The following MAST3 variants were observed in gnomAD, a reference collection of about 807,000 sequenced individuals.
The protein encoded by MAST3 is microtubule-associated serine/threonine-protein kinase 3.
Under a neutral mutation model 127.0 loss-of-function variants are expected in MAST3, and 43 were observed. The observed-to-expected ratio is 0.34, with a 90% CI of 0.27 to 0.44. The LOEUF is 0.44. Among genes scored for constraint, MAST3 ranks in the 20% least tolerant of loss-of-function variants. MAST3 has a pLI of 1.00. For synonymous variants in MAST3, 785 were observed against 809.2 expected (o/e 0.97, Z 0.51); for missense variants, 1,390 against 1,919.1 (o/e 0.72, Z 5.15).
chr19:18,103,163 G>A (rs1392861007), intron 1 of MAST3, among the ~76,000 whole-genome samples: 1 of 152,128 alleles, frequency 6.6e-6, no homozygotes, highest in African/African-American at 2.4e-5. Flanking sequence ...GTGGTGCCAG[G>A]AGAGTTCTGT....
Position 18,144,635 on chromosome 19 carries a change from TG to T in MAST3, c.2759del (p.Gly920AlafsTer27). ...SSSGGSGGGSGGRVPKSASVS... is the reference protein window; with the variant it reads ...SSSGGSGGGSXGRVPKSASVS... ...CCAGCGGTGGCAGTGGTGGCGGCAGTGGGGGCCGCGTGCCCAAGTCAGCCTC... is the reference window on the plus strand; with the variant it reads ...CCAGCGGTGGCAGTGGTGGCGGCAGTGGGGCCGCGTGCCCAAGTCAGCCTC... On this transcript the variant is annotated frameshift_variant, in exon 23 of 28. Coordinates refer to ENST00000687212, the MANE Select transcript of MAST3 (RefSeq NM_001393504.1). LOFTEE classifies it high-confidence loss of function. The surrounding 1 kb of genome is among the most constrained non-coding windows in gnomAD (Gnocchi z 4.0). 1.2e-6 allele frequency: 2 copies of T among 1,611,236 alleles called. No homozygotes were observed.
chr19:18,113,316 G>T (rs565912300), intron 3 of MAST3, among the ~76,000 whole-genome samples: 1 of 151,518 alleles, frequency 6.6e-6, no homozygotes, highest in Non-Finnish European at 1.5e-5. Context: ...AGACAGTCTC[G>T]CTTTGTTGCC....
chr19:18,145,901 C>A lies in MAST3; in HGVS notation c.3162+36C>A. ...CCCACTGCCCACCCTCAGGGCTCCC[C>A]AGCACCCCTTGGCCGCAGCTCCCGG... is the stretch of plus-strand genomic sequence containing the variant. On this transcript the variant is annotated intron_variant, in intron 25 of 27. Coordinates refer to ENST00000687212, the MANE Select transcript of MAST3 (RefSeq NM_001393504.1). The surrounding 1 kb of genome is among the most constrained non-coding windows in gnomAD (Gnocchi z 5.9). 1 of 1,542,970 alleles carries A rather than the reference C, an allele frequency of 6.5e-7. No individual in the cohort carries two copies.
At position 18,098,555 on chromosome 19, in the gene MAST3, C is replaced by A. The variant is rs548359440; in HGVS notation, c.39+724C>A. 4.6e-5 allele frequency among the ~76,000 whole-genome samples: 7 copies of A among 152,230 alleles called. No homozygotes were observed. The East Asian group carries it at 1.4e-3, about 29-fold the overall frequency. ...GAGGTAGGGACACAGGCGTCGGGGA[C>A]AGCAGAAGCCTAAGTTTGAAGCCAC... On this transcript the variant is annotated intron_variant, in intron 1 of 27. Coordinates refer to ENST00000687212, the MANE Select transcript of MAST3 (RefSeq NM_001393504.1).
intron 8 of MAST3, 43 bp downstream of exon 8, chr19:18,123,698 C>G (rs910699932): frequency 3.5e-6 from 5 of 1,442,994 alleles, no homozygotes; most frequent in Non-Finnish European, 4.6e-6. Context: ...GCACTTCTTT[C>G]CACATTGCTG....
intron 25 of MAST3, among the ~76,000 whole-genome samples, chr19:18,146,451 T>C (rs2043021719): frequency 6.6e-6 from 1 of 151,972 alleles, no homozygotes; most frequent in Non-Finnish European, 1.5e-5. Context: ...TCCCTGGTTC[T>C]AAAAAAATAG....
chr19:18,114,036 C>G (rs2038952497), intron 3 of MAST3, among the ~76,000 whole-genome samples: 1 of 152,178 alleles, frequency 6.6e-6, no homozygotes, highest in Admixed American at 6.5e-5. Flanking sequence ...GAGCTCTGTT[C>G]CCTCCTTTCT....
chr19:18,139,139 C>G lies in MAST3; in HGVS notation c.2205+15C>G. 1.3e-6 allele frequency: 2 copies of G among 1,542,956 alleles called. No homozygotes were observed. The highest frequency in any genetic ancestry group is 1.8e-6 in the Non-Finnish European group (2 of 1,128,564). On this transcript the variant is annotated intron_variant, in intron 20 of 27. Transcript: ENST00000687212. ...GGTTCAGCAAGGTGGGCCCGGGTCC[C>G]GAGGGGAGCCACTGCTCAGAAAACA...
At chr19:18,135,652 G>A in intron 17 of MAST3, 88 bp from the exon 18 acceptor site, 3 of 1,004,070 alleles carry the variant, frequency 3.0e-6, no homozygotes, top group Non-Finnish European at 4.5e-6. Flanking sequence ...GGAGTACAGT[G>A]AAGTGAGGGG....
intron 14 of MAST3, 50 bp downstream of exon 14, chr19:18,130,752 C>A: frequency 4.5e-6 from 7 of 1,565,672 alleles, no homozygotes; most frequent in Non-Finnish European, 6.1e-6. Flanking sequence ...GCTCACCCCT[C>A]CACGCCTGGG....
chr19:18,122,776 G>A, intron 6 of MAST3, 25 bp downstream of exon 6: 1 of 1,608,520 alleles, frequency 6.2e-7, no homozygotes, highest in Non-Finnish European at 8.5e-7. Flanking sequence ...ACCTTGGCAG[G>A]TGGACAGGCA....
In MAST3 at chr19:18,110,331, C is replaced by A. The variant is rs1284708032; in HGVS notation, c.72-321C>A. 3.0e-6 allele frequency: 3 copies of A among 985,464 alleles called. No individual in the cohort carries two copies. The South Asian group carries it at 1.4e-4, about 46-fold the overall frequency. The allele number at this position is 985,464 out of a possible 1,614,324, so 61.0% of individuals were successfully genotyped here. On this transcript the variant is annotated intron_variant, in intron 2 of 27. Coordinates refer to ENST00000687212, the MANE Select transcript of MAST3 (RefSeq NM_001393504.1). This position sits in a 1 kb window ranked among gnomAD's most constrained non-coding sequence, Gnocchi z 4.3. Reference sequence around the variant, plus strand: ...GCCTCTGCCTCGGCATGAAGTCCCGCAGGGACAAGCTGCACATCCCGGCGC... The same window carrying A: ...GCCTCTGCCTCGGCATGAAGTCCCGAAGGGACAAGCTGCACATCCCGGCGC...
In MAST3 at chr19:18,106,355, G is replaced by A. The variant is rs149672316; in HGVS notation, c.40-1232G>A. Among the ~76,000 whole-genome samples, 1,146 of 151,896 alleles carry A rather than the reference G, an allele frequency of 7.5e-3. 10 individuals are homozygous for A. The highest frequency in any genetic ancestry group is 0.025 in the African/African-American group (1,056 of 41,426). On this transcript the variant is annotated intron_variant, in intron 1 of 27. Coordinates refer to ENST00000687212, the MANE Select transcript of MAST3 (RefSeq NM_001393504.1). ...CAAGCTCTGCCTCCCAGGTTCAAGC[G>A]ATCCTCCCGAGTAGCTGGGGCTACA...
intron 19 of MAST3, among the ~76,000 whole-genome samples, chr19:18,138,208 GAAAAAAAAA>G (rs72398038): frequency 0.26 from 36,900 of 142,902 alleles, 4,632 homozygotes; most frequent in African/African-American, 0.27. Flanking sequence ...AAAACTGCCT[GAAAAAAAAA>G]AAAAAAAAAA....
intron 2 of MAST3, among the ~76,000 whole-genome samples, chr19:18,108,265 G>T (rs1022037129): frequency 1.3e-5 from 2 of 151,872 alleles, no homozygotes; most frequent in Non-Finnish European, 2.9e-5. Context: ...ACTTCAGTCT[G>T]GGCAACAGAG....
At chr19:18,105,066 T>A (rs1275312040) in intron 1 of MAST3, among the ~76,000 whole-genome samples, 1 of 152,160 alleles carries the variant, frequency 6.6e-6, no homozygotes, top group Admixed American at 6.6e-5. Context: ...ATTTTGAGAA[T>A]TTAATAAACC....
chr19:18,141,899 G>A lies in MAST3; in HGVS notation c.2223G>A (p.Glu741=). ...CCTCCCAGGTCTACAGCAGCTCTGAGTTCCTGGCCGTCCAGCCCACTCCTA... is the reference window on the plus strand; with the variant it reads ...CCTCCCAGGTCTACAGCAGCTCTGAATTCCTGGCCGTCCAGCCCACTCCTA... ...HRFSKVYSSS[E]FLAVQPTPTF... The change falls in exon 21 of 28, where the codon GAG becomes GAA. Residue 741 remains glutamate, a synonymous_variant. Transcript: ENST00000687212. The A allele has an allele frequency of 2.7e-6, 4 of 1,497,586 alleles. No homozygotes were observed. The highest frequency in any genetic ancestry group is 3.6e-6 in the Non-Finnish European group (4 of 1,117,480). 92.8% of individuals were successfully genotyped at this position (1,497,586 alleles called of 1,614,324 possible). A position where few individuals can be genotyped will look rare whatever the true frequency, so the allele number is the denominator to read the frequency against.
intron 3 of MAST3, among the ~76,000 whole-genome samples, chr19:18,115,115 C>A (rs1034825725): frequency 2.6e-5 from 4 of 151,974 alleles, no homozygotes; most frequent in Non-Finnish European, 5.9e-5. Context: ...GCTGTGAGAG[C>A]AATAGGGAGC....
chr19:18,149,905 T>C lies in MAST3; in HGVS notation c.*179T>C. The stretch of plus-strand genomic sequence containing the variant: ...CTTGTGTTCTGGTGTCAATCGGGGC[T>C]GGATGGGGCAAGAATGGGGGACAAG... On this transcript the variant is annotated 3_prime_UTR_variant, in exon 28 of 28. Coordinates refer to ENST00000687212, the MANE Select transcript of MAST3 (RefSeq NM_001393504.1). The surrounding 1 kb of genome is among the most constrained non-coding windows in gnomAD (Gnocchi z 5.9). 1 of 745,594 alleles carries C rather than the reference T, an allele frequency of 1.3e-6. No individual in the cohort carries two copies. Among genetic ancestry groups the C allele is most frequent in the Non-Finnish European group, 2.1e-6 (1 of 486,068 alleles). 46.2% of individuals were successfully genotyped at this position (745,594 alleles called of 1,614,324 possible). A position where few individuals can be genotyped will look rare whatever the true frequency, so the allele number is the denominator to read the frequency against.
Sources: allele counts gnomAD v4.1 joint callset (sites outside exome capture counted in the v4.1 genomes callset), GRCh38; gene constraint gnomAD v4.1.1; non-coding constraint Gnocchi (gnomAD v3.1); transcripts MANE v1.5; gene names NCBI Gene and HGNC (gene_info 2026-07-23, HGNC 2026-07-21).